The following OGDHL variants were observed in gnomAD, a reference collection of about 807,000 sequenced individuals.
The protein encoded by OGDHL is 2-oxoglutarate dehydrogenase-like, mitochondrial.
In OGDHL, 79 loss-of-function variants were observed where a neutral mutation model predicts 109.6. The observed-to-expected ratio is 0.72, with a 90% CI of 0.60 to 0.87. The LOEUF is 0.87. Among genes scored for constraint, OGDHL ranks in the 40% least tolerant of loss-of-function variants. OGDHL has a pLI of 0.00. For synonymous variants in OGDHL, 528 were observed against 537.2 expected (o/e 0.98, Z 0.24); for missense variants, 1,275 against 1,362.2 (o/e 0.94, Z 1.01).
At chr10:49,743,293 G>A (rs1037794738) in intron 14 of OGDHL, among the ~76,000 whole-genome samples, 1 of 152,192 alleles carries the variant, frequency 6.6e-6, no homozygotes, top group Non-Finnish European at 1.5e-5. Context: ...CAAGTCCCCA[G>A]GCTTATGCTG....
At chr10:49,741,469 C>CACCACCCTGGCTTGCTAACCAGGAGCG (rs1233953179) in intron 15 of OGDHL, among the ~76,000 whole-genome samples, 5 of 152,124 alleles carry the variant, frequency 3.3e-5, no homozygotes, top group Non-Finnish European at 7.4e-5. Flanking sequence ...CTGGAAGCCA[C>CACCACCCTGGCTTGCTAACCAGGAGCG]ACCACCCTGG....
chr10:49,757,215 T>C (rs1016321283), intron 2 of OGDHL, among the ~76,000 whole-genome samples: 2 of 152,222 alleles, frequency 1.3e-5, no homozygotes, highest in Non-Finnish European at 1.5e-5. Flanking sequence ...CACAGTCTTT[T>C]AAAAAGGTGC....
rs143898079 is a variant in OGDHL at position 49,744,038 on chromosome 10, C to T, written c.1817G>A (p.Ser606Asn). ...CTCCAGGGGCACAGAGCTGGCCACA[C>T]TGCCGATGTGGGTGAGCATGTCCTC... ...IPEDMLTHIG[S>N]VASSVPLEDF... The change falls in exon 14 of 23, where the codon AGT becomes AAT. Residue 606 changes from serine to asparagine, a missense_variant. By Grantham distance (46) the Ser-to-Asn change is conservative. Coordinates refer to ENST00000374103, the MANE Select transcript of OGDHL (RefSeq NM_018245.3). The T allele has an allele frequency of 1.7e-5, 27 of 1,614,134 alleles. No homozygotes were observed. The highest frequency in any genetic ancestry group is 1.7e-4 in the Middle Eastern group (1 of 6,060).
At position 49,739,775 on chromosome 10, in the gene OGDHL, C is replaced by T. The variant is rs189326161; in HGVS notation, c.2205G>A (p.Gly735=). The T allele has an allele frequency of 6.2e-7, 1 of 1,614,130 alleles. No homozygotes were observed. Among genetic ancestry groups the T allele is most frequent in the East Asian group, 2.2e-5 (1 of 44,882 alleles). The change falls in exon 17 of 23, where the codon GGG becomes GGA. Residue 735 remains glycine (G), a synonymous_variant. Transcript: ENST00000374103. ...TGCACTGGGCCGTGTTGTGGAAGTC[C>T]CCAAACTGGGCCTCCCAGAGGACCA... is the stretch of plus-strand genomic sequence containing the variant. ...NALVLWEAQF[G]DFHNTAQCII... is the part of the protein sequence containing the mutation.
chr10:49,749,738 C>T lies in OGDHL; in HGVS notation c.975G>A (p.Glu325=). 5.6e-6 allele frequency: 9 copies of T among 1,594,348 alleles called. No individual in the cohort carries two copies. Among genetic ancestry groups the T allele is most frequent in the Non-Finnish European group, 7.7e-6 (9 of 1,174,500 alleles). ...GCATGGCACCCACCTCGTCCGCCGC[C>T]TCCAGCTTGGGGTCAAACTGGCAGA... The part of the protein sequence containing the change: ...QIFCQFDPKL[E]AADEGSGDVK... Residue 325 remains glutamate (E), a synonymous_variant, in exon 8 of 23, where the codon GAG becomes GAA. Transcript: ENST00000374103.
chr10:49,758,637 G>C, intron 1 of OGDHL, 44 bp from the exon 2 acceptor site: 1 of 1,586,938 alleles, frequency 6.3e-7, no homozygotes, highest in Non-Finnish European at 8.6e-7. Flanking sequence ...GCAGGACCAA[G>C]ACAGGAAGAG....
chr10:49,749,454 C>T, intron 8 of OGDHL, among the ~76,000 whole-genome samples: 1 of 152,172 alleles, frequency 6.6e-6, no homozygotes, highest in East Asian at 1.9e-4. Context: ...TCCAGCAAGC[C>T]TTTGCATCTT....
chr10:49,748,255 G>C lies in OGDHL; in HGVS notation c.988-1047C>G, dbSNP rs183752818. Among the ~76,000 whole-genome samples the C allele has an allele frequency of 5.0e-3, 768 of 152,356 alleles. 4 individuals carry two copies. The highest frequency in any genetic ancestry group is 8.7e-3 in the Non-Finnish European group (592 of 68,040). ...AAGAAGCCTGGGGTAGCCCATGTGT[G>C]CAGGCAGGAAACAATGACAACTTGT... On this transcript the variant is annotated intron_variant, in intron 8 of 22. Coordinates refer to ENST00000374103, the MANE Select transcript of OGDHL (RefSeq NM_018245.3).
rs570156720 is a variant in OGDHL at position 49,756,950 on chromosome 10, G to A, written c.205-4C>T. ...CCCTGAAGAAGCTGTCCCAGGACTA[G>A]GCAGGGCAGAAACAAGAACGCAGCC... On this transcript the variant is annotated splice_polypyrimidine_tract_variant and splice_region_variant and intron_variant, in intron 2 of 22. Coordinates refer to ENST00000374103, the MANE Select transcript of OGDHL (RefSeq NM_018245.3). 80 of 1,611,286 alleles carry A rather than the reference G, an allele frequency of 5.0e-5. No individual in the cohort carries two copies. The highest frequency in any genetic ancestry group is 1.7e-4 in the Middle Eastern group (1 of 6,040).
chr10:49,761,798 G>T (rs1022311123), intron 1 of OGDHL, among the ~76,000 whole-genome samples: 2 of 152,198 alleles, frequency 1.3e-5, no homozygotes, highest in African/African-American at 4.8e-5. Context: ...ATCGGAGACC[G>T]CGGTTAAAAC....
chr10:49,742,803 G>A lies in OGDHL; in HGVS notation c.2012+25C>T, dbSNP rs557605227. 1.3e-5 allele frequency: 21 copies of A among 1,604,074 alleles called. No homozygotes were observed. The East Asian group carries it at 2.0e-4, about 15-fold the overall frequency. On this transcript the variant is annotated intron_variant, in intron 15 of 22. Transcript: ENST00000374103. ...AGCTTCTGCTCCAGGTCTCCTGTGC[G>A]GATGCTGAGCCCCACTGCGCTCACC...
chr10:49,737,044 C>T lies in OGDHL; in HGVS notation c.2591-524G>A, dbSNP rs570140605. Among the ~76,000 whole-genome samples the T allele has an allele frequency of 6.6e-5, 10 of 152,302 alleles. No individual in the cohort carries two copies. In the East Asian group the frequency reaches 1.9e-3, roughly 29 times the overall value. On this transcript the variant is annotated intron_variant, in intron 20 of 22. Coordinates refer to ENST00000374103, the MANE Select transcript of OGDHL (RefSeq NM_018245.3). ...GCACACTGCAAAACCTCTCAGGAAGCTACTGTAGTGTCCTCACATCCCTGC... is the reference window on the plus strand; with the variant it reads ...GCACACTGCAAAACCTCTCAGGAAGTTACTGTAGTGTCCTCACATCCCTGC...
chr10:49,744,641 C>T lies in OGDHL; in HGVS notation c.1732+9G>A. ...GGGAGTCCCTCTGAGCCACACACTGCTCGCTCACCAGGCCAGGGGGAGTCC... is the reference window on the plus strand; with the variant it reads ...GGGAGTCCCTCTGAGCCACACACTGTTCGCTCACCAGGCCAGGGGGAGTCC... On this transcript the variant is annotated intron_variant, in intron 13 of 22. Coordinates refer to ENST00000374103, the MANE Select transcript of OGDHL (RefSeq NM_018245.3). 1 of 1,609,998 alleles carries T rather than the reference C, an allele frequency of 6.2e-7. No individual in the cohort carries two copies. The highest frequency in any genetic ancestry group is 2.2e-5 in the East Asian group (1 of 44,864).
Position 49,758,448 on chromosome 10 carries a change from A to C in OGDHL, c.145T>G (p.Ser49Ala). 1 of 1,613,808 alleles carries C rather than the reference A, an allele frequency of 6.2e-7. No homozygotes were observed. Among genetic ancestry groups the C allele is most frequent in the Non-Finnish European group, 8.5e-7 (1 of 1,180,012 alleles). The part of the protein sequence containing the change: ...TFPSSKGGGG[S>A]SYMEEMYFAW... ...AAGTACATCTCCTCCATGTAACTGG[A>C]GCCGCCTCCACCTTTGCTGCTTGGG... The change falls in exon 2 of 23, where the codon TCC (serine) becomes GCC (alanine). Residue 49 changes from serine (S) to alanine (A), a missense_variant. Ser to Ala is a moderately conservative substitution (Grantham distance 99). Transcript: ENST00000374103.
chr10:49,749,970 T>G (rs995529066), intron 7 of OGDHL, among the ~76,000 whole-genome samples, 154 bp from the exon 8 acceptor site: 7 of 152,142 alleles, frequency 4.6e-5, no homozygotes, highest in African/African-American at 1.4e-4. Flanking sequence ...CCTCTCCTGC[T>G]GCTGTAATGG....
chr10:49,759,002 T>C (rs1843096146), intron 1 of OGDHL, among the ~76,000 whole-genome samples: 1 of 151,838 alleles, frequency 6.6e-6, no homozygotes, highest in Admixed American at 6.6e-5. Flanking sequence ...GGAGTGGGTC[T>C]CAGGCCCACC....
rs774925807 is a variant in OGDHL, at chr10:49,743,030, C to T, written c.1862-52G>A. 17 of 1,592,350 alleles carry T rather than the reference C, an allele frequency of 1.1e-5. No homozygotes were observed. In the East Asian group the frequency reaches 1.8e-4, roughly 17 times the overall value. On this transcript the variant is annotated intron_variant, in intron 14 of 22. Transcript: ENST00000374103. ...GGCCAAGGGACAGCCAGCCCTGGGG[C>T]GGGTAGGTAGGTGCTCAGCACACAC...
chr10:49,746,955 C>A (rs1401004186), intron 9 of OGDHL, 74 bp downstream of exon 9: 2 of 1,608,418 alleles, frequency 1.2e-6, no homozygotes, highest in Non-Finnish European at 8.5e-7. Flanking sequence ...ACTGTGGAGA[C>A]CCAGGGTCCA....
At position 49,736,160 on chromosome 10, in the gene OGDHL, G is replaced by T; in HGVS notation, c.2772C>A (p.Phe924Leu). 1 of 1,600,076 alleles carries T rather than the reference G, an allele frequency of 6.2e-7. No individual in the cohort carries two copies. Among genetic ancestry groups the T allele is most frequent in the South Asian group, 1.1e-5 (1 of 88,008 alleles). ...TCTCTGCCTCCTGCTTGATCAGGTC[G>T]AAGGGGAATGGAGAGATCTGGGGAG... ...TRLEQISPFPFDLIKQEAEKY... is the reference protein window; with the variant it reads ...TRLEQISPFPLDLIKQEAEKY... The change falls in exon 22 of 23, where the codon TTC becomes TTA. Residue 924 changes from phenylalanine to leucine, a missense_variant. Physicochemically the swap from Phe to Leu is conservative, Grantham distance 22. Coordinates refer to ENST00000374103, the MANE Select transcript of OGDHL (RefSeq NM_018245.3).
Sources: allele counts gnomAD v4.1 joint callset (sites outside exome capture counted in the v4.1 genomes callset), GRCh38; gene constraint gnomAD v4.1.1; transcripts MANE v1.5; gene names NCBI Gene and HGNC (gene_info 2026-07-23, HGNC 2026-07-21).